The following WDR35 variants were observed in gnomAD, a reference collection of about 807,000 sequenced individuals.
WDR35 encodes the protein WD repeat domain 35.
A neutral mutation model predicts 158.3 loss-of-function variants in WDR35; 118 were observed. The ratio of observed to expected loss-of-function variants is 0.75; its 90% confidence interval spans 0.64 to 0.87. WDR35 has a LOEUF of 0.87. Ranked by LOEUF, WDR35 falls within the 40% of genes least tolerant of loss-of-function variation. The pLI is 0.00. For missense variants in WDR35, 1,263 were observed against 1,405.8 expected (o/e 0.90, Z 1.62); for synonymous variants, 448 against 476.1 (o/e 0.94, Z 0.77).
At chr2:19,941,697 G>T (rs774460481) in intron 17 of WDR35, 62 bp downstream of exon 17, 20 of 1,231,156 alleles carry the variant, frequency 1.6e-5, no homozygotes, top group Non-Finnish European at 2.2e-5. Context: ...ATACTACACC[G>T]CCTGGTCCAG....
intron 10 of WDR35, among the ~76,000 whole-genome samples, chr2:19,963,378 T>C (rs1293923347): frequency 6.6e-6 from 1 of 151,642 alleles, no homozygotes; most frequent in Non-Finnish European, 1.5e-5. Flanking sequence ...TTGTATTTTT[T>C]CTCTTTGATT....
chr2:19,965,940 A>G (rs1016851159), intron 10 of WDR35, among the ~76,000 whole-genome samples: 1 of 152,180 alleles, frequency 6.6e-6, no homozygotes, highest in African/African-American at 2.4e-5. Flanking sequence ...CTTATGATTC[A>G]GCTTTCTTAG....
chr2:19,961,145 G>C (rs925021485), intron 10 of WDR35, among the ~76,000 whole-genome samples: 1 of 152,130 alleles, frequency 6.6e-6, no homozygotes, highest in Non-Finnish European at 1.5e-5. Context: ...TGCAGCTTGG[G>C]TGGAAGAATG....
intron 3 of WDR35, among the ~76,000 whole-genome samples, chr2:19,981,754 T>A (rs1171895371): frequency 6.6e-6 from 1 of 152,116 alleles, no homozygotes; most frequent in East Asian, 1.9e-4. Context: ...CCCAGCCTCA[T>A]GCAGTCTTCC....
In WDR35 at chr2:19,950,741, T is replaced by C. The variant is rs1413197143; in HGVS notation, c.1470+674A>G. Among the ~76,000 whole-genome samples the C allele has an allele frequency of 5.9e-5, 9 of 152,314 alleles. No individual in the cohort carries two copies. The East Asian group carries it at 1.7e-3, about 29-fold the overall frequency. On this transcript the variant is annotated intron_variant, in intron 13 of 26. Transcript: ENST00000281405. ...ACTCTTGCATATTCTAGTAGATACA[T>C]CACTAGATCTGCTGTCAAAAAATTA...
intron 25 of WDR35, among the ~76,000 whole-genome samples, chr2:19,928,760 C>G (rs1479459350): frequency 1.3e-5 from 2 of 152,008 alleles, no homozygotes; most frequent in Non-Finnish European, 2.9e-5. Context: ...AGTGAGTTTT[C>G]TTTTCATGAA....
intron 16 of WDR35, among the ~76,000 whole-genome samples, chr2:19,942,927 A>C (rs1462595314): frequency 6.6e-6 from 1 of 152,116 alleles, no homozygotes; most frequent in Admixed American, 6.6e-5. Context: ...ATACTACACC[A>C]AACAAAATAT....
Position 19,914,198 on chromosome 2 carries a change from G to A in WDR35, c.3201C>T (p.Ser1067=), listed in dbSNP as rs956297975. The A allele has an allele frequency of 6.2e-7, 1 of 1,614,220 alleles. No individual in the cohort carries two copies. The highest frequency in any genetic ancestry group is 1.6e-4 in the Middle Eastern group (1 of 6,062). ...CTTTTGAACAAGTCCCAAAGGCTCT[G>A]CTGGCGCATGCGCAGAGTGCTAGCA... ...YSLLALCACA[S]RAFGTCSKAF... The change falls in exon 26 of 27, where the codon AGC becomes AGT. Residue 1067 remains serine (S), a synonymous_variant. Transcript: ENST00000281405.
chr2:19,985,750 A>T (rs916813955), intron 2 of WDR35, among the ~76,000 whole-genome samples: 5 of 150,782 alleles, frequency 3.3e-5, no homozygotes, highest in Admixed American at 2.6e-4. Flanking sequence ...ACAAAAAATT[A>T]GCTGGGCGTG....
chr2:19,935,305 T>C (rs1432065956), intron 21 of WDR35, 166 bp downstream of exon 21: 1 of 643,244 alleles, frequency 1.6e-6, no homozygotes, highest in East Asian at 3.4e-5. Context: ...AAGCATTCTA[T>C]ATTATTTATA....
chr2:19,913,363 T>C lies in WDR35; in HGVS notation c.*195A>G. The C allele has an allele frequency of 1.9e-6, 1 of 534,972 alleles. No individual in the cohort carries two copies. 33.1% of individuals were successfully genotyped at this position (534,972 alleles called of 1,614,324 possible). A position where few individuals can be genotyped will look rare whatever the true frequency, so the allele number is the denominator to read the frequency against. On this transcript the variant is annotated 3_prime_UTR_variant, in exon 27 of 27. Coordinates refer to ENST00000281405, the MANE Select transcript of WDR35 (RefSeq NM_020779.4). The stretch of plus-strand genomic sequence containing the variant: ...TGATTTTCATACATTTATATGAAAA[T>C]CGGCCTTATTATTTCACAGTTGTAT...
At chr2:19,958,898 G>A (rs1264825885) in intron 11 of WDR35, among the ~76,000 whole-genome samples, 1 of 152,078 alleles carries the variant, frequency 6.6e-6, no homozygotes, top group Non-Finnish European at 1.5e-5. Flanking sequence ...AATCTATAAA[G>A]TTCATTTTAA....
At chr2:19,943,988 AAAT>A (rs1405226595) in intron 16 of WDR35, among the ~76,000 whole-genome samples, 1 of 152,048 alleles carries the variant, frequency 6.6e-6, no homozygotes, top group African/African-American at 2.4e-5. Flanking sequence ...CTTATCTCCT[AAAT>A]AATAATATAG....
At chr2:19,982,157 A>T (rs898307032) in intron 3 of WDR35, among the ~76,000 whole-genome samples, 2 of 152,172 alleles carry the variant, frequency 1.3e-5, no homozygotes, top group African/African-American at 4.8e-5. Context: ...AAGTTACATA[A>T]GATATTCAAC....
At chr2:19,969,632 A>G (rs1327905046) in intron 8 of WDR35, 27 bp from the exon 9 acceptor site, 17 of 1,608,474 alleles carry the variant, frequency 1.1e-5, no homozygotes, top group Non-Finnish European at 1.4e-5. Flanking sequence ...TCTTTAACCT[A>G]AAGTATAACA....
intron 25 of WDR35, among the ~76,000 whole-genome samples, chr2:19,925,009 G>A (rs1670312410): frequency 6.6e-6 from 1 of 152,198 alleles, no homozygotes; most frequent in Non-Finnish European, 1.5e-5. Flanking sequence ...GCCCGTCCTG[G>A]GCCCCATTCC....
intron 25 of WDR35, among the ~76,000 whole-genome samples, chr2:19,926,903 AC>A (rs58699441): frequency 6.6e-5 from 10 of 151,478 alleles, no homozygotes; most frequent in Middle Eastern, 3.2e-3. Context: ...GATCTCGAGG[AC>A]CCCCCCCACC....
At chr2:19,935,249 A>G (rs1670655459) in intron 21 of WDR35, 2 of 394,474 alleles carry the variant, frequency 5.1e-6, no homozygotes, top group African/African-American at 4.2e-5. Context: ...GACTGTGATC[A>G]TATTAAAGTA....
rs1472487322 is a variant in WDR35 at position 19,912,342 on chromosome 2, A to G, written c.*1216T>C. On this transcript the variant is annotated 3_prime_UTR_variant, in exon 27 of 27. Transcript: ENST00000281405. ...ACCAAGGTAATTTTCCACGAGGCGCATGAATAGAGACAGAGACCTCAAAGA... is the reference window on the plus strand; with the variant it reads ...ACCAAGGTAATTTTCCACGAGGCGCGTGAATAGAGACAGAGACCTCAAAGA... 1.3e-5 allele frequency: 2 copies of G among 152,198 alleles called. No homozygotes were observed. The highest frequency in any genetic ancestry group is 1.9e-4 in the East Asian group (1 of 5,196). The allele number at this position is 152,198 out of a possible 1,614,324, so 9.4% of individuals were successfully genotyped here.
Sources: gnomAD v4.1 joint callset for allele counts (sites outside exome capture counted in the v4.1 genomes callset) on GRCh38, gnomAD v4.1.1 for gene constraint, MANE v1.5 for transcripts, NCBI Gene and HGNC (gene_info 2026-07-23, HGNC 2026-07-21) for gene names.